NBEAL2: variants seen among roughly 807,000 people sequenced by gnomAD.
NBEAL2 encodes neurobeachin-like protein 2.
A neutral mutation model predicts 299.8 loss-of-function variants in NBEAL2; 160 were observed. The observed-to-expected ratio is 0.53, with a 90% CI of 0.47 to 0.61. The LOEUF (loss-of-function observed/expected upper bound fraction) is 0.61. NBEAL2 is among the 20% of genes least tolerant of loss of function. NBEAL2 has a pLI of 0.00. For synonymous variants in NBEAL2, 1,493 were observed against 1,542.3 expected (o/e 0.97, Z 0.75); for missense variants, 3,112 against 3,649.0 (o/e 0.85, Z 3.79).
intron 10 of NBEAL2, among the ~76,000 whole-genome samples, chr3:46,993,360 C>G (rs1051983957): frequency 1.2e-4 from 18 of 152,336 alleles, no homozygotes; most frequent in African/African-American, 4.3e-4. Context: ...CTCCCAACCC[C>G]TGACCCCCTC....
intron 9 of NBEAL2, 74 bp from the exon 10 acceptor site, chr3:46,992,401 C>G (rs1367873798): frequency 8.5e-6 from 12 of 1,407,730 alleles, no homozygotes; most frequent in African/African-American, 1.4e-5. Flanking sequence ...TGGTCCTGCT[C>G]TAACCCCACC....
In NBEAL2 at chr3:46,998,173, A is replaced by G; in HGVS notation, c.3065A>G (p.His1022Arg). The part of the protein sequence containing the change: ...SGPLLYLLYQ[H>R]LLFNFHLWTL... ...CCCCTCCTGTACCTACTCTACCAGCATTTGCTCTTCAACTTTCACCTCTGG... is the reference window on the plus strand; with the variant it reads ...CCCCTCCTGTACCTACTCTACCAGCGTTTGCTCTTCAACTTTCACCTCTGG... Residue 1022 changes from histidine (H) to arginine (R), a missense_variant, in exon 21 of 54, where the codon CAT (histidine) becomes CGT (arginine). Coordinates refer to ENST00000450053, the MANE Select transcript of NBEAL2 (RefSeq NM_015175.3). 1.2e-6 allele frequency: 2 copies of G among 1,608,690 alleles called. No individual in the cohort carries two copies. Among genetic ancestry groups the G allele is most frequent in the Non-Finnish European group, 1.7e-6 (2 of 1,177,686 alleles).
At chr3:46,997,191 C>CT in intron 18 of NBEAL2, 68 bp from the exon 19 acceptor site, 1 of 1,592,696 alleles carries the variant, frequency 6.3e-7, no homozygotes, top group Non-Finnish European at 8.6e-7. Flanking sequence ...TCTGGGTGGT[C>CT]TGCTGGGGTG....
intron 45 of NBEAL2, 83 bp downstream of exon 45, chr3:47,006,532 G>A (rs904411940): frequency 1.7e-5 from 22 of 1,283,930 alleles, no homozygotes; most frequent in South Asian, 6.4e-5. Flanking sequence ...TGGGGCAGAT[G>A]GGAATCCTAA....
Position 47,004,279 on chromosome 3 carries a change from T to C in NBEAL2, c.6084T>C (p.His2028=), listed in dbSNP as rs2037255205. The change falls in exon 37 of 54, where the codon CAT becomes CAC. Residue 2028 remains histidine, a synonymous_variant. Transcript: ENST00000450053. The surrounding 1 kb of genome is among the most constrained non-coding windows in gnomAD (Gnocchi z 5.0). The part of the protein sequence containing the change: ...PRPQPGPIPP[H]TQVRNQVYSW... Reference sequence around the variant, plus strand: ...CCCAGCCTGGCCCCATCCCACCCCATACCCAGGTACGGAACCAGGTGTACT... The same window carrying C: ...CCCAGCCTGGCCCCATCCCACCCCACACCCAGGTACGGAACCAGGTGTACT... 6.2e-7 allele frequency: 1 copy of C among 1,612,166 alleles called. No homozygotes were observed. Among genetic ancestry groups the C allele is most frequent in the Non-Finnish European group, 8.5e-7 (1 of 1,179,050 alleles).
At chr3:47,005,912 G>A in intron 42 of NBEAL2, 34 bp from the exon 43 acceptor site, 1 of 1,612,452 alleles carries the variant, frequency 6.2e-7, no homozygotes, top group Non-Finnish European at 8.5e-7. Context: ...GGGGTCAGCT[G>A]TCCCTGCACT....
At chr3:47,006,112 G>A in intron 43 of NBEAL2, 49 bp downstream of exon 43, 1 of 1,612,906 alleles carries the variant, frequency 6.2e-7, no homozygotes, top group Middle Eastern at 1.7e-4. Flanking sequence ...GATCAGGTCG[G>A]GTGGATGCAG....
chr3:46,993,614 T>C (rs978704221), intron 10 of NBEAL2, among the ~76,000 whole-genome samples: 4 of 152,070 alleles, frequency 2.6e-5, no homozygotes, highest in Non-Finnish European at 5.9e-5. Flanking sequence ...GGGAGACAGG[T>C]TGGGGGTAGG....
Position 47,008,513 on chromosome 3 carries a change from C to A in NBEAL2, c.7879-7C>A. On this transcript the variant is annotated splice_polypyrimidine_tract_variant and splice_region_variant and intron_variant, in intron 51 of 53. Coordinates refer to ENST00000450053, the MANE Select transcript of NBEAL2 (RefSeq NM_015175.3). ...CTGTCCTTGCTGACACTCCCTGCTT[C>A]CTCCAGGTCACCTACTCCTTGCACC... 6.2e-7 allele frequency: 1 copy of A among 1,611,684 alleles called. No homozygotes were observed. Among genetic ancestry groups the A allele is most frequent in the Non-Finnish European group, 8.5e-7 (1 of 1,178,092 alleles).
intron 1 of NBEAL2, among the ~76,000 whole-genome samples, chr3:46,983,397 CCTCCCGGGTTCA>C (rs2035485238): frequency 6.6e-6 from 1 of 151,012 alleles, no homozygotes; most frequent in Non-Finnish European, 1.5e-5. Flanking sequence ...GCAACCTCTG[CCTCCCGGGTTCA>C]AGCAGTTCTC....
In NBEAL2 at chr3:47,001,100, C is replaced by A; in HGVS notation, c.4405C>A (p.Arg1469Ser). Residue 1469 changes from arginine (R) to serine (S), a missense_variant, in exon 28 of 54, where the codon CGT becomes AGT. Arg to Ser is a moderately radical substitution (Grantham distance 110). Transcript: ENST00000450053. The surrounding 1 kb of genome is among the most constrained non-coding windows in gnomAD (Gnocchi z 6.1). ...EGSDEAAWRERGQVFSVLTQL... is the reference protein window; with the variant it reads ...EGSDEAAWRESGQVFSVLTQL... ...CAGCGATGAGGCTGCCTGGCGGGAG[C>A]GTGGCCAGGTTTTCTCAGTGCTCAC... is the stretch of plus-strand genomic sequence containing the variant. 6.2e-7 allele frequency: 1 copy of A among 1,612,234 alleles called. No homozygotes were observed. Among genetic ancestry groups the A allele is most frequent in the Non-Finnish European group, 8.5e-7 (1 of 1,179,368 alleles).
Position 47,000,342 on chromosome 3 carries a change from G to T in NBEAL2, c.4243G>T (p.Asp1415Tyr), listed in dbSNP as rs1286387099. Residue 1415 changes from aspartate to tyrosine, a missense_variant, in exon 27 of 54, where the codon GAC (aspartate) becomes TAC (tyrosine). Around this residue, in one of 3 missense-constraint regions of NBEAL2, gnomAD observed 2,243 missense variants for 2,538.1 expected, o/e 0.88. Coordinates refer to ENST00000450053, the MANE Select transcript of NBEAL2 (RefSeq NM_015175.3). The surrounding 1 kb of genome is among the most constrained non-coding windows in gnomAD (Gnocchi z 4.5). ...CTCCAGTCTCTCCAATGTGCTGGAG[G>T]ACGGCAGCCTCCCGGAGCCCACCAT... is the stretch of plus-strand genomic sequence containing the variant. ...HSSSLSNVLE[D>Y]GSLPEPTISG... 3 of 1,603,806 alleles carry T rather than the reference G, an allele frequency of 1.9e-6. No homozygotes were observed. Among genetic ancestry groups the T allele is most frequent in the African/African-American group, 1.3e-5 (1 of 74,714 alleles).
In NBEAL2 at chr3:47,007,923, G is replaced by A. The variant is rs769100746; in HGVS notation, c.7602+13G>A. 1 of 1,609,644 alleles carries A rather than the reference G, an allele frequency of 6.2e-7. No homozygotes were observed. Among genetic ancestry groups the A allele is most frequent in the Non-Finnish European group, 8.5e-7 (1 of 1,178,028 alleles). ...GCTCCTGCATCAGGTGTGCCTCGTG[G>A]GCAGCTCTGTGGGGCCCCCGTAGCC... On this transcript the variant is annotated intron_variant, in intron 49 of 53. Transcript: ENST00000450053.
rs1214942462 is a variant in NBEAL2 at position 46,989,445 on chromosome 3, C to T, written c.473+64C>T. The stretch of plus-strand genomic sequence containing the variant: ...TGGGGAGAGGATGGCCGCGCTGGGC[C>T]CAAGGAGGGGTGACGGCCAGGAGTG... On this transcript the variant is annotated intron_variant, in intron 5 of 53. Coordinates refer to ENST00000450053, the MANE Select transcript of NBEAL2 (RefSeq NM_015175.3). The surrounding 1 kb of genome is among the most constrained non-coding windows in gnomAD (Gnocchi z 5.5). 2 of 1,564,150 alleles carry T rather than the reference C, an allele frequency of 1.3e-6. No individual in the cohort carries two copies. The highest frequency in any genetic ancestry group is 1.7e-6 in the Non-Finnish European group (2 of 1,154,498).
chr3:47,006,562 G>A, intron 45 of NBEAL2, 113 bp downstream of exon 45: 1 of 1,054,590 alleles, frequency 9.5e-7, no homozygotes, highest in Non-Finnish European at 1.4e-6. Context: ...CTGATTTCAA[G>A]GCACCTTAGA....
Position 46,988,559 on chromosome 3 carries a change from C to G in NBEAL2, c.52-110C>G. The G allele has an allele frequency of 1.2e-6, 1 of 833,500 alleles. No individual in the cohort carries two copies. Among genetic ancestry groups the G allele is most frequent in the East Asian group, 3.0e-5 (1 of 33,434 alleles). 51.6% of individuals were successfully genotyped at this position (833,500 alleles called of 1,614,324 possible). On this transcript the variant is annotated intron_variant, in intron 1 of 53. Coordinates refer to ENST00000450053, the MANE Select transcript of NBEAL2 (RefSeq NM_015175.3). This position sits in a 1 kb window ranked among gnomAD's most constrained non-coding sequence, Gnocchi z 4.4. ...CTCTGCCTTTAACCCCTTGTCCATG[C>G]CCTCTGTCCACCTCCATTCATTCTT...
At chr3:46,997,992 A>C in intron 20 of NBEAL2, 75 bp from the exon 21 acceptor site, 1 of 1,466,042 alleles carries the variant, frequency 6.8e-7, no homozygotes, top group East Asian at 2.5e-5. Flanking sequence ...TGTGCAGGGA[A>C]GAGTGGCAGC....
At position 47,000,707 on chromosome 3, in the gene NBEAL2, C is replaced by T. The variant is rs562237929; in HGVS notation, c.4306-294C>T. 6.6e-6 allele frequency among the ~76,000 whole-genome samples: 1 copy of T among 152,302 alleles called. No homozygotes were observed. The highest frequency in any genetic ancestry group is 2.1e-4 in the South Asian group (1 of 4,824). ...TCCAAGGGCAGCAAACTCCAAAGGC[C>T]CTGCCCTGGGCTTCTGGGTTTGGGG... On this transcript the variant is annotated intron_variant, in intron 27 of 53. Transcript: ENST00000450053. This position sits in a 1 kb window ranked among gnomAD's most constrained non-coding sequence, Gnocchi z 4.5.
chr3:46,998,453 T>C lies in NBEAL2; in HGVS notation c.3119-10T>C, dbSNP rs770567555. ...CTAGTGGCCTGAGCCCTCTGCTCATTCCCGCTCAGGTCACATCCAGTACAT... is the reference window on the plus strand; with the variant it reads ...CTAGTGGCCTGAGCCCTCTGCTCATCCCCGCTCAGGTCACATCCAGTACAT... On this transcript the variant is annotated splice_polypyrimidine_tract_variant and intron_variant, in intron 21 of 53. Transcript: ENST00000450053. The C allele has an allele frequency of 1.2e-6, 2 of 1,609,516 alleles. No individual in the cohort carries two copies. Among genetic ancestry groups the C allele is most frequent in the Non-Finnish European group, 1.7e-6 (2 of 1,178,048 alleles).
Sources: allele counts gnomAD v4.1 joint callset (sites outside exome capture counted in the v4.1 genomes callset), GRCh38; gene constraint gnomAD v4.1.1; regional missense constraint gnomAD v4.1.1; non-coding constraint Gnocchi (gnomAD v3.1); transcripts MANE v1.5; gene names NCBI Gene and HGNC (gene_info 2026-07-23, HGNC 2026-07-21).